CDH13: variants seen among roughly 807,000 people sequenced by gnomAD.
CDH13 encodes cadherin-13.
Under a neutral mutation model 63.8 loss-of-function variants are expected in CDH13, and 24 were observed. The ratio of observed to expected loss-of-function variants is 0.38; its 90% CI spans 0.27 to 0.53. The LOEUF (loss-of-function observed/expected upper bound fraction) is 0.53. CDH13 is among the 20% of genes least tolerant of loss of function. The probability of loss-of-function intolerance (pLI) is 0.85; values close to 1 mark genes in which losing one functional copy is unlikely to be tolerated. For synonymous variants in CDH13, 503 were observed against 355.3 expected (o/e 1.42, Z -4.67); for missense variants, 1,049 against 903.1 (o/e 1.16, Z -2.07).
chr16:83,123,710 G>C (rs1378220507), intron 3 of CDH13, among the ~76,000 whole-genome samples: 2 of 152,056 alleles, frequency 1.3e-5, no homozygotes, highest in Admixed American at 6.5e-5. Context: ...CTTTTCCTTT[G>C]TGTATATACC....
chr16:83,566,364 T>C (rs1172549952), intron 7 of CDH13, among the ~76,000 whole-genome samples: 1 of 152,214 alleles, frequency 6.6e-6, no homozygotes, highest in East Asian at 1.9e-4. Context: ...CCTGCTGGAA[T>C]GGGAGTTCCA....
At chr16:82,893,632 G>C (rs917677903) in intron 2 of CDH13, among the ~76,000 whole-genome samples, 1 of 152,298 alleles carries the variant, frequency 6.6e-6, no homozygotes, top group East Asian at 1.9e-4. Flanking sequence ...GCCAGGTCTG[G>C]GCTATTCCCT....
chr16:83,371,063 G>GGGAACATT (rs1449521890), intron 6 of CDH13, among the ~76,000 whole-genome samples: 4 of 152,218 alleles, frequency 2.6e-5, no homozygotes, highest in Non-Finnish European at 5.9e-5. Context: ...CAGAAAAAAA[G>GGGAACATT]GGAACATTTT....
chr16:83,392,261 A>C (rs892408056), intron 6 of CDH13, among the ~76,000 whole-genome samples: 1 of 152,192 alleles, frequency 6.6e-6, no homozygotes, highest in African/African-American at 2.4e-5. Flanking sequence ...ATATGGGTGC[A>C]TGGAGGAGGT....
At chr16:83,734,647 G>C (rs9933455) in intron 10 of CDH13, among the ~76,000 whole-genome samples, 2 of 150,232 alleles carry the variant, frequency 1.3e-5, no homozygotes, top group Non-Finnish European at 3.0e-5. Flanking sequence ...ACGAGTTAAT[G>C]GGTGCAGCAC....
At chr16:82,633,651 A>T (rs909079302) in intron 1 of CDH13, among the ~76,000 whole-genome samples, 2 of 152,296 alleles carry the variant, frequency 1.3e-5, no homozygotes, top group African/African-American at 4.8e-5. Flanking sequence ...TGCTGGGATA[A>T]ACAGACGTGA....
chr16:83,274,767 G>A (rs533730887), intron 5 of CDH13, among the ~76,000 whole-genome samples: 2 of 152,166 alleles, frequency 1.3e-5, no homozygotes, highest in East Asian at 1.9e-4. Context: ...TGGGCCCCAC[G>A]CCAGATCTAC....
intron 4 of CDH13, chr16:83,180,982 TA>T (rs1378353009): frequency 6.5e-7 from 1 of 1,531,372 alleles, no homozygotes; most frequent in African/African-American, 1.4e-5. Flanking sequence ...TTGGCGACAT[TA>T]TTGCTTTAAA....
intron 1 of CDH13, among the ~76,000 whole-genome samples, chr16:82,830,250 A>G (rs917845070): frequency 1.3e-5 from 2 of 152,200 alleles, no homozygotes; most frequent in African/African-American, 4.8e-5. Flanking sequence ...GTACTTATCA[A>G]TAACTCCATT....
chr16:82,770,450 C>T (rs576764125), intron 1 of CDH13, among the ~76,000 whole-genome samples: 1 of 152,292 alleles, frequency 6.6e-6, no homozygotes, highest in South Asian at 2.1e-4. Context: ...TTTATGCATA[C>T]ATTTTGAAAT....
At chr16:83,394,248 TA>T (rs869050861) in intron 6 of CDH13, among the ~76,000 whole-genome samples, 9 of 150,446 alleles carry the variant, frequency 6.0e-5, no homozygotes, top group African/African-American at 2.0e-4. Flanking sequence ...CTAAAAGTTT[TA>T]AAAAAAAAAA....
At chr16:82,965,865 A>C (rs1179570307) in intron 2 of CDH13, among the ~76,000 whole-genome samples, 1 of 152,246 alleles carries the variant, frequency 6.6e-6, no homozygotes, top group African/African-American at 2.4e-5. Flanking sequence ...TTCCTTACAT[A>C]CATCACACCC....
rs76862074 is a variant in CDH13 at position 83,613,171 on chromosome 16, T to C, written c.1101+10577T>C. Reference sequence around the variant, plus strand: ...AAAAGGTCAGCTGTCAGTGTTACTTTTATTTCCATTGAAAGAAACGTGTCT... The same window carrying C: ...AAAAGGTCAGCTGTCAGTGTTACTTCTATTTCCATTGAAAGAAACGTGTCT... On this transcript the variant is annotated intron_variant, in intron 8 of 13. Coordinates refer to ENST00000567109, the MANE Select transcript of CDH13 (RefSeq NM_001257.5). 2.3e-3 allele frequency among the ~76,000 whole-genome samples: 349 copies of C among 152,348 alleles called. 10 individuals are homozygous for C. The East Asian group carries it at 0.062, about 27-fold the overall frequency.
intron 4 of CDH13, among the ~76,000 whole-genome samples, chr16:83,173,829 A>T (rs1333807438): frequency 6.6e-6 from 1 of 152,020 alleles, no homozygotes; most frequent in African/African-American, 2.4e-5. Context: ...CCTTCCTAGC[A>T]TCCATCTTGC....
chr16:83,375,479 G>A (rs1034326482), intron 6 of CDH13, among the ~76,000 whole-genome samples: 1 of 152,168 alleles, frequency 6.6e-6, no homozygotes, highest in Non-Finnish European at 1.5e-5. Context: ...TGTGTGCAGA[G>A]AAATATGTTG....
At chr16:82,699,232 G>C (rs1196978958) in intron 1 of CDH13, among the ~76,000 whole-genome samples, 3 of 152,182 alleles carry the variant, frequency 2.0e-5, no homozygotes, top group East Asian at 1.9e-4. Flanking sequence ...TCAGGCTGTA[G>C]TAGGGCCAGG....
At chr16:83,303,429 G>A (rs1260684168) in intron 5 of CDH13, among the ~76,000 whole-genome samples, 1 of 152,154 alleles carries the variant, frequency 6.6e-6, no homozygotes, top group Non-Finnish European at 1.5e-5. Flanking sequence ...TAGGGGGAAT[G>A]AATAAGCCCA....
At chr16:82,834,388 C>T (rs867912190) in intron 1 of CDH13, among the ~76,000 whole-genome samples, 1 of 152,106 alleles carries the variant, frequency 6.6e-6, no homozygotes, top group Non-Finnish European at 1.5e-5. Flanking sequence ...TCTGTCGATT[C>T]AAAGAGCATC....
chr16:83,506,410 G>T (rs750456849), intron 7 of CDH13, among the ~76,000 whole-genome samples: 1 of 152,200 alleles, frequency 6.6e-6, no homozygotes. Context: ...GACAGATGCA[G>T]TGCCTTCCTT....
Sources: allele counts gnomAD v4.1 joint callset (sites outside exome capture counted in the v4.1 genomes callset), GRCh38; gene constraint gnomAD v4.1.1; transcripts MANE v1.5; gene names NCBI Gene and HGNC (gene_info 2026-07-23, HGNC 2026-07-21).